ANO9: variants seen among roughly 807,000 people sequenced by gnomAD.
ANO9 encodes the protein anoctamin 9.
Under a neutral mutation model 100.5 loss-of-function variants are expected in ANO9, and 80 were observed. That is an observed-to-expected ratio of 0.80 (90% CI 0.66 to 0.96). ANO9 has a LOEUF of 0.96. Ranked by LOEUF, ANO9 falls within the 40% of genes least tolerant of loss-of-function variation. The pLI is 0.00. For synonymous variants in ANO9, 473 were observed against 435.6 expected (o/e 1.09, Z -1.07); for missense variants, 1,064 against 1,072.7 (o/e 0.99, Z 0.11).
intron 1 of ANO9, among the ~76,000 whole-genome samples, chr11:438,667 A>G (rs553509041): frequency 6.7e-6 from 1 of 149,960 alleles, no homozygotes; most frequent in Admixed American, 6.6e-5. Context: ...GGACCAGGCC[A>G]TCCATCTGTC....
At chr11:434,213 GA>G in intron 1 of ANO9, 115 bp from the exon 2 acceptor site, 1 of 1,248,038 alleles carries the variant, frequency 8.0e-7, no homozygotes, top group Non-Finnish European at 1.1e-6. Flanking sequence ...TCCCCACAAG[GA>G]GAACAGCAAA....
intron 19 of ANO9, 110 bp from the exon 20 acceptor site, chr11:419,839 C>T: frequency 6.6e-7 from 1 of 1,518,276 alleles, no homozygotes; most frequent in South Asian, 1.3e-5. Flanking sequence ...TGCGTGGTGT[C>T]CCCTTGCAGC....
Position 423,182 on chromosome 11 carries a change from G to A in ANO9, c.1335-1984C>T, listed in dbSNP as rs546753200. Among the ~76,000 whole-genome samples the A allele has an allele frequency of 2.6e-5, 4 of 152,238 alleles. No individual in the cohort carries two copies. In the South Asian group the frequency reaches 8.3e-4, roughly 32 times the overall value. On this transcript the variant is annotated intron_variant, in intron 15 of 22. Transcript: ENST00000332826. ...AAATGATTCTGACATTCATCTGAAAGAATAAACATATGTAAATAACCATTA... is the reference window on the plus strand; with the variant it reads ...AAATGATTCTGACATTCATCTGAAAAAATAAACATATGTAAATAACCATTA...
At chr11:428,424 TG>T in intron 13 of ANO9, 30 bp from the exon 14 acceptor site, 1 of 1,612,614 alleles carries the variant, frequency 6.2e-7, no homozygotes, top group Non-Finnish European at 8.5e-7. Context: ...ATGGGCTCAC[TG>T]GGGCTCCGGT....
In ANO9 at chr11:438,641, C is replaced by T. The variant is rs1348805635; in HGVS notation, c.6+3280G>A. 2.0e-5 allele frequency among the ~76,000 whole-genome samples: 3 copies of T among 150,228 alleles called. No individual in the cohort carries two copies. In the East Asian group the frequency reaches 5.9e-4, roughly 29 times the overall value. On this transcript the variant is annotated intron_variant, in intron 1 of 22. Coordinates refer to ENST00000332826, the MANE Select transcript of ANO9 (RefSeq NM_001012302.3). ...ACCCACCGGCCCATCCCCCGGGCCA[C>T]AGCCACCAGCCTACAGGACCAGGCC... is the stretch of plus-strand genomic sequence containing the variant.
rs1435694533 is a variant in ANO9, at chr11:432,284, T to C, written c.351-230A>G. On this transcript the variant is annotated intron_variant, in intron 4 of 22. Transcript: ENST00000332826. The surrounding 1 kb of genome is among the most constrained non-coding windows in gnomAD (Gnocchi z 4.8). ...TGCCCCACGGCGTCCAGGATGAGGC[T>C]GGGCTGGGGGCTCCTTCTCCTCCCA... is the stretch of plus-strand genomic sequence containing the variant. 2 of 549,960 alleles carry C rather than the reference T, an allele frequency of 3.6e-6. No individual in the cohort carries two copies. The highest frequency in any genetic ancestry group is 3.2e-5 in the Admixed American group (1 of 31,346). The allele number at this position is 549,960 out of a possible 1,614,324, so 34.1% of individuals were successfully genotyped here.
chr11:434,200 C>G (rs1262388967), intron 1 of ANO9, 102 bp from the exon 2 acceptor site: 10 of 1,337,062 alleles, frequency 7.5e-6, no homozygotes, highest in Middle Eastern at 2.0e-4. Flanking sequence ...CACACACCGT[C>G]CCTCCCCACA....
At chr11:424,879 A>ATTTC in intron 15 of ANO9, among the ~76,000 whole-genome samples, 1 of 152,166 alleles carries the variant, frequency 6.6e-6, no homozygotes. Flanking sequence ...CGATGGAGAA[A>ATTTC]AAGGCACAAA....
intron 7 of ANO9, among the ~76,000 whole-genome samples, chr11:430,800 T>C (rs1590472081): frequency 5.8e-5 from 2 of 34,286 alleles, no homozygotes; most frequent in African/African-American, 1.4e-4. Flanking sequence ...TGTGGATGTC[T>C]GGGGGGTGTG....
chr11:422,302 C>T lies in ANO9; in HGVS notation c.1335-1104G>A, dbSNP rs1381958210. On this transcript the variant is annotated intron_variant, in intron 15 of 22. Transcript: ENST00000332826. The surrounding 1 kb of genome is among the most constrained non-coding windows in gnomAD (Gnocchi z 4.3). ...ACGGAGGATGTATTTGTAGTCAGAG[C>T]GATGGGCCGCAAAGACGTCCACGTG... Among the ~76,000 whole-genome samples, 1 of 152,220 alleles carries T rather than the reference C, an allele frequency of 6.6e-6. No individual in the cohort carries two copies. The highest frequency in any genetic ancestry group is 1.5e-5 in the Non-Finnish European group (1 of 68,028).
rs373327405 is a variant in ANO9, at chr11:418,799, C to A, written c.2051G>T (p.Arg684Leu). ...NVTLCRYRDY[R>L]NPPDYNFSEQ... ...GGAGAAGTTGTAATCGGGGGGATTG[C>A]GGTAGTCCCTGTATCTGGGGTAAGG... is the stretch of plus-strand genomic sequence containing the variant. The change falls in exon 22 of 23, where the codon CGC becomes CTC. Residue 684 changes from arginine (R) to leucine (L), a missense_variant. Physicochemically the swap from Arg to Leu is moderately radical, Grantham distance 102. Coordinates refer to ENST00000332826, the MANE Select transcript of ANO9 (RefSeq NM_001012302.3). The A allele has an allele frequency of 6.2e-7, 1 of 1,613,182 alleles. No individual in the cohort carries two copies.
Position 418,454 on chromosome 11 carries a change from C to A in ANO9, c.2266G>T (p.Gly756Trp). 1.9e-6 allele frequency: 3 copies of A among 1,612,810 alleles called. No homozygotes were observed. The highest frequency in any genetic ancestry group is 2.5e-6 in the Non-Finnish European group (3 of 1,179,918). Reference sequence around the variant, plus strand: ...GGGGGCCGAGAGCCTGCCCCCACCCCACCCAGCCTCTGCCTTCCATGCCAC... The same window carrying A: ...GGGGGCCGAGAGCCTGCCCCCACCCAACCCAGCCTCTGCCTTCCATGCCAC... ...KMWHGRQRLG[G>W]VGAGSRPPMP... Residue 756 changes from glycine (G) to tryptophan (W), a missense_variant, in exon 23 of 23, where the codon GGG becomes TGG. Gly to Trp is a radical substitution (Grantham distance 184). Transcript: ENST00000332826.
At chr11:419,163 C>T (rs1468947878) in intron 20 of ANO9, 174 bp from the exon 21 acceptor site, 37 of 1,442,384 alleles carry the variant, frequency 2.6e-5, no homozygotes, top group Non-Finnish European at 3.1e-5. Context: ...ATCCGGGGGC[C>T]TTGTGGGGAC....
At chr11:420,044 G>A in intron 19 of ANO9, 4 of 1,326,362 alleles carry the variant, frequency 3.0e-6, no homozygotes, top group Non-Finnish European at 3.9e-6. Flanking sequence ...CTTGTAACCT[G>A]GGCCCGAGAC....
Position 422,181 on chromosome 11 carries a change from C to T in ANO9, c.1335-983G>A, listed in dbSNP as rs191954915. ...AAGTTATACCATAACGAGACTGAAA[C>T]TCACAAGGCATCTGTGGGGCCTAAA... On this transcript the variant is annotated intron_variant, in intron 15 of 22. Coordinates refer to ENST00000332826, the MANE Select transcript of ANO9 (RefSeq NM_001012302.3). The surrounding 1 kb of genome is among the most constrained non-coding windows in gnomAD (Gnocchi z 4.3). Among the ~76,000 whole-genome samples the T allele has an allele frequency of 1.4e-3, 216 of 152,304 alleles. 2 individuals are homozygous for T. The highest frequency in any genetic ancestry group is 5.1e-3 in the African/African-American group (212 of 41,566).
rs1406807357 is a variant in ANO9, at chr11:429,661, G to A, written c.833-9C>T. ...CTCCAGGAACACCGTGGCTGCGGCG[G>A]GGGCAAGGAGGGGCATCACTGCACT... On this transcript the variant is annotated splice_polypyrimidine_tract_variant and intron_variant, in intron 10 of 22. Coordinates refer to ENST00000332826, the MANE Select transcript of ANO9 (RefSeq NM_001012302.3). The A allele has an allele frequency of 1.7e-5, 27 of 1,612,450 alleles. No homozygotes were observed. Among genetic ancestry groups the A allele is most frequent in the Non-Finnish European group, 2.1e-5 (25 of 1,179,854 alleles).
Position 428,362 on chromosome 11 carries a change from G to T in ANO9, c.1218C>A (p.Asp406Glu). The T allele has an allele frequency of 6.2e-7, 1 of 1,612,590 alleles. No individual in the cohort carries two copies. The highest frequency in any genetic ancestry group is 1.1e-5 in the South Asian group (1 of 91,072). ...GGTCTGGGGTAGTCCTCTCACCGAAGTCACAAAGCTTCAGGGCCACGCACC... is the reference window on the plus strand; with the variant it reads ...GGTCTGGGGTAGTCCTCTCACCGAATTCACAAAGCTTCAGGGCCACGCACC... ...INRCVALKLC[D>E]FEMPRTFSER... The change falls in exon 14 of 23, where the codon GAC (aspartate) becomes GAA (glutamate). Residue 406 changes from aspartate (D) to glutamate (E), a missense_variant. Coordinates refer to ENST00000332826, the MANE Select transcript of ANO9 (RefSeq NM_001012302.3).
At chr11:423,740 A>G (rs1449493265) in intron 15 of ANO9, among the ~76,000 whole-genome samples, 1 of 152,108 alleles carries the variant, frequency 6.6e-6, no homozygotes, top group Non-Finnish European at 1.5e-5. Flanking sequence ...TACATTGCCC[A>G]GGCTGGTCTT....
In ANO9 at chr11:430,180, C is replaced by A. The variant is rs376026201; in HGVS notation, c.675-1G>T. 6.4e-7 allele frequency: 1 copy of A among 1,551,420 alleles called. No homozygotes were observed. The highest frequency in any genetic ancestry group is 8.7e-7 in the Non-Finnish European group (1 of 1,147,802). ...GTCGTGGGCCTCACAGATCTCCTTG[C>A]TGAAGGGGCAGGGATGAGGCTGGGG... On this transcript the variant is annotated splice_acceptor_variant, in intron 8 of 22. Transcript: ENST00000332826. LOFTEE classifies it high-confidence loss of function.
Sources: allele counts gnomAD v4.1 joint callset (sites outside exome capture counted in the v4.1 genomes callset), GRCh38; gene constraint gnomAD v4.1.1; non-coding constraint Gnocchi (gnomAD v3.1); transcripts MANE v1.5; gene names NCBI Gene and HGNC (gene_info 2026-07-23, HGNC 2026-07-21).